Variants in DCAF1 observed in about 807,000 individuals in gnomAD.
DCAF1 encodes the protein DDB1 and CUL4 associated factor 1.
A neutral mutation model predicts 128.0 loss-of-function variants in DCAF1; 15 were observed. The observed-to-expected ratio is 0.12, with a 90% CI of 0.08 to 0.18. DCAF1 has a LOEUF of 0.18. Ranked by LOEUF, DCAF1 falls within the 10% of genes least tolerant of loss-of-function variation. The pLI, the probability that DCAF1 is intolerant of heterozygous loss-of-function variation, is 1.00. For missense variants in DCAF1, 988 were observed against 1,649.5 expected (o/e 0.60, Z 6.95); for synonymous variants, 610 against 603.0 (o/e 1.01, Z -0.17).
At chr3:51,402,995 AG>A in intron 24 of DCAF1, 147 bp downstream of exon 24, 4 of 1,325,800 alleles carry the variant, frequency 3.0e-6, no homozygotes, top group Non-Finnish European at 4.0e-6. Flanking sequence ...AGAGATGCAA[AG>A]GTGCTTTGCC....
intron 2 of DCAF1, among the ~76,000 whole-genome samples, chr3:51,493,460 A>G (rs782504001): frequency 6.6e-6 from 1 of 152,012 alleles, no homozygotes; most frequent in Non-Finnish European, 1.5e-5. Context: ...GAAAAAAAAA[A>G]GGAATTCAAA....
At chr3:51,481,789 GAGAAC>G (rs1218690030) in intron 3 of DCAF1, among the ~76,000 whole-genome samples, 4 of 148,952 alleles carry the variant, frequency 2.7e-5, no homozygotes, top group African/African-American at 9.9e-5. Context: ...TCAGGAGTTC[GAGAAC>G]AGCCTGGCCA....
chr3:51,440,598 T>C (rs1303642652), intron 9 of DCAF1, among the ~76,000 whole-genome samples: 1 of 140,116 alleles, frequency 7.1e-6, no homozygotes, highest in African/African-American at 2.7e-5. Flanking sequence ...GTGAGACCTA[T>C]CTCTAAAAAT....
chr3:51,457,966 AT>A (rs1307752252), intron 6 of DCAF1, among the ~76,000 whole-genome samples: 1 of 152,238 alleles, frequency 6.6e-6, no homozygotes, highest in Non-Finnish European at 1.5e-5. Flanking sequence ...AACATGCCAA[AT>A]TGTAAAGACC....
chr3:51,432,386 A>C (rs1054659429), intron 10 of DCAF1, among the ~76,000 whole-genome samples: 5 of 151,824 alleles, frequency 3.3e-5, no homozygotes, highest in South Asian at 2.1e-4. Flanking sequence ...GTCTCTAAAA[A>C]TACACAAACA....
At position 51,478,145 on chromosome 3, in the gene DCAF1, A is replaced by C. The variant is rs527298840; in HGVS notation, c.110+5574T>G. On this transcript the variant is annotated intron_variant, in intron 3 of 24. Transcript: ENST00000684031. ...CAGCCTCCTGAGTAGCTGAGACTAC[A>C]GGCACGTGCCACCACGCCTGGCTAA... Among the ~76,000 whole-genome samples, 5 of 152,188 alleles carry C rather than the reference A, an allele frequency of 3.3e-5. No individual in the cohort carries two copies. The South Asian group carries it at 1.0e-3, about 32-fold the overall frequency.
chr3:51,504,362 AT>A (rs1375615219), upstream of DCAF1, among the ~76,000 whole-genome samples: 2 of 145,768 alleles, frequency 1.4e-5, no homozygotes, highest in Non-Finnish European at 1.5e-5. Flanking sequence ...TTATTTATTT[AT>A]TTTGAGATGG....
At chr3:51,454,588 A>G (rs1702690798) in intron 6 of DCAF1, among the ~76,000 whole-genome samples, 2 of 151,036 alleles carry the variant, frequency 1.3e-5, no homozygotes, top group South Asian at 4.2e-4. Context: ...ATCTCAAACT[A>G]CTGGCCTCAA....
At position 51,441,136 on chromosome 3, in the gene DCAF1, T is replaced by C. The variant is rs183139255; in HGVS notation, c.1027-65A>G. On this transcript the variant is annotated intron_variant, in intron 8 of 24. Transcript: ENST00000684031. Reference sequence around the variant, plus strand: ...TATTGTCATGTATTTCCTATTCCACTCTTTGAGGATAGAAGCCTAAAGAAA... The same window carrying C: ...TATTGTCATGTATTTCCTATTCCACCCTTTGAGGATAGAAGCCTAAAGAAA... The C allele has an allele frequency of 3.8e-5, 54 of 1,423,164 alleles. No homozygotes were observed. The African/African-American group carries it at 7.4e-4, about 19-fold the overall frequency. 88.2% of individuals were successfully genotyped at this position (1,423,164 alleles called of 1,614,324 possible). A position where few individuals can be genotyped will look rare whatever the true frequency, so the allele number is the denominator to read the frequency against.
chr3:51,427,173 T>C (rs1157281555), intron 13 of DCAF1, among the ~76,000 whole-genome samples, 199 bp downstream of exon 13: 2 of 152,168 alleles, frequency 1.3e-5, no homozygotes, highest in Admixed American at 6.6e-5. Flanking sequence ...AATTTTACAA[T>C]CACCAAGACC....
intron 6 of DCAF1, among the ~76,000 whole-genome samples, chr3:51,459,479 CA>C (rs1487872718): frequency 6.6e-6 from 1 of 152,134 alleles, no homozygotes. Flanking sequence ...ACCAGAGGTA[CA>C]AAGAGGAGCT....
In DCAF1 at chr3:51,441,402, G is replaced by A; in HGVS notation, c.1009C>T (p.Leu337=). 1.2e-6 allele frequency: 2 copies of A among 1,613,218 alleles called. No homozygotes were observed. The highest frequency in any genetic ancestry group is 1.7e-6 in the Non-Finnish European group (2 of 1,179,576). Residue 337 remains leucine, a synonymous_variant, in exon 8 of 25, where the codon CTA becomes TTA. Coordinates refer to ENST00000684031, the MANE Select transcript of DCAF1 (RefSeq NM_001387579.1). ...QRLILQYLTP[L]GEYQELLPIF... ...AAGCTTACCTCCTGATATTCTCCTA[G>A]AGGGGTCAAATATTGGAGAATGAGT...
intron 23 of DCAF1, among the ~76,000 whole-genome samples, chr3:51,403,805 A>G (rs1395825517): frequency 6.6e-6 from 1 of 152,248 alleles, no homozygotes; most frequent in Non-Finnish European, 1.5e-5. Flanking sequence ...ACAAAATGGA[A>G]GAACACAACT....
intron 23 of DCAF1, among the ~76,000 whole-genome samples, chr3:51,407,401 C>T (rs1437127042): frequency 6.6e-6 from 1 of 152,138 alleles, no homozygotes; most frequent in African/African-American, 2.4e-5. Context: ...CAGGAATCAA[C>T]ACATTCAGCT....
chr3:51,464,833 A>T (rs1426155177), intron 5 of DCAF1, among the ~76,000 whole-genome samples: 1 of 152,196 alleles, frequency 6.6e-6, no homozygotes, highest in Non-Finnish European at 1.5e-5. Flanking sequence ...CCAAGCCGGG[A>T]TGTAAAAGAC....
intron 2 of DCAF1, among the ~76,000 whole-genome samples, chr3:51,489,239 G>A (rs147039585): frequency 3.9e-5 from 6 of 152,044 alleles, no homozygotes; most frequent in Admixed American, 3.3e-4. Flanking sequence ...TTTGAGACCA[G>A]CCTGGCCAAC....
chr3:51,467,900 T>C (rs1426413736), intron 4 of DCAF1, among the ~76,000 whole-genome samples: 2 of 152,160 alleles, frequency 1.3e-5, no homozygotes, highest in Non-Finnish European at 2.9e-5. Context: ...CTTCTATTGA[T>C]GGGTGGCCTG....
In DCAF1 at chr3:51,398,616, A is replaced by T. The variant is rs189173302; in HGVS notation, c.*153T>A. ...GATTCTGGAAGGACCCTCGGGTGCC[A>T]ATGAGGCTCTCTAAGCCATAATCTT... is the stretch of plus-strand genomic sequence containing the variant. On this transcript the variant is annotated 3_prime_UTR_variant, in exon 25 of 25. Coordinates refer to ENST00000684031, the MANE Select transcript of DCAF1 (RefSeq NM_001387579.1). The T allele has an allele frequency of 9.9e-7, 1 of 1,011,566 alleles. No individual in the cohort carries two copies. Among genetic ancestry groups the T allele is most frequent in the Admixed American group, 2.6e-5 (1 of 39,016 alleles). 62.7% of individuals were successfully genotyped at this position (1,011,566 alleles called of 1,614,324 possible). A position where few individuals can be genotyped will look rare whatever the true frequency, so the allele number is the denominator to read the frequency against.
intron 20 of DCAF1, 116 bp from the exon 21 acceptor site, chr3:51,413,502 C>T: frequency 6.9e-7 from 1 of 1,448,364 alleles, no homozygotes; most frequent in Non-Finnish European, 9.2e-7. Flanking sequence ...GGTTTACATA[C>T]AAATTCCCTT....
Sources: allele counts gnomAD v4.1 joint callset (sites outside exome capture counted in the v4.1 genomes callset), GRCh38; gene constraint gnomAD v4.1.1; transcripts MANE v1.5; gene names NCBI Gene and HGNC (gene_info 2026-07-23, HGNC 2026-07-21).